SDC2: variants seen among roughly 807,000 people sequenced by gnomAD.
The protein encoded by SDC2 is syndecan-2.
A neutral mutation model predicts 22.2 loss-of-function variants in SDC2; 13 were observed. That is an observed-to-expected ratio of 0.59 (90% CI 0.38 to 0.93). The LOEUF (loss-of-function observed/expected upper bound fraction) is 0.93, where lower values mean the gene tolerates loss of function less well. SDC2 is among the 40% of genes least tolerant of loss of function. The pLI is 0.00. For synonymous variants in SDC2, 94 were observed against 92.8 expected (o/e 1.01, Z -0.07); for missense variants, 235 against 246.8 (o/e 0.95, Z 0.32).
intron 1 of SDC2, among the ~76,000 whole-genome samples, chr8:96,497,460 G>A (rs1161754720): frequency 6.6e-6 from 1 of 152,144 alleles, no homozygotes; most frequent in Non-Finnish European, 1.5e-5. Flanking sequence ...CTGCTTTTAG[G>A]ACCTGATATG....
chr8:96,602,767 A>T (rs1465896084), intron 3 of SDC2, among the ~76,000 whole-genome samples: 2 of 152,204 alleles, frequency 1.3e-5, no homozygotes, highest in African/African-American at 4.8e-5. Flanking sequence ...GCATTTACCC[A>T]CTTATAATCT....
intron 1 of SDC2, among the ~76,000 whole-genome samples, chr8:96,570,173 C>T (rs1814369226): frequency 6.6e-6 from 1 of 152,140 alleles, no homozygotes; most frequent in African/African-American, 2.4e-5. Flanking sequence ...AGAGATCCCG[C>T]AGCTGGTAAG....
At chr8:96,561,826 C>T (rs1814215064) in intron 1 of SDC2, among the ~76,000 whole-genome samples, 1 of 152,142 alleles carries the variant, frequency 6.6e-6, no homozygotes, top group Non-Finnish European at 1.5e-5. Context: ...GCTGGATGGT[C>T]CTATCAGGTA....
intron 1 of SDC2, among the ~76,000 whole-genome samples, chr8:96,534,642 G>A (rs1813722914): frequency 6.6e-6 from 1 of 151,602 alleles, no homozygotes; most frequent in Admixed American, 6.6e-5. Flanking sequence ...TCGTCATGTT[G>A]CCCAGGCTGA....
rs769190656 is a variant in SDC2 at position 96,494,353 on chromosome 8, TGC to T, written c.60+29_60+30del. On this transcript the variant is annotated intron_variant, in intron 1 of 4. Transcript: ENST00000302190. ...GTCGGTGAGTGGGCCAGGCGGAGGA[TGC>T]GCGCGCCGTTTAGGGTGTTTGAAGC... 3 of 1,537,216 alleles carry T rather than the reference TGC, an allele frequency of 2.0e-6. No individual in the cohort carries two copies. In the South Asian group the frequency reaches 3.6e-5, roughly 18 times the overall value.
At chr8:96,571,953 C>T (rs1259236495) in intron 1 of SDC2, among the ~76,000 whole-genome samples, 10 of 152,078 alleles carry the variant, frequency 6.6e-5, no homozygotes, top group Non-Finnish European at 1.0e-4. Context: ...AAGGTCTTGG[C>T]TCAGGACAAG....
chr8:96,574,476 A>G (rs1371675100), intron 1 of SDC2, among the ~76,000 whole-genome samples: 1 of 152,208 alleles, frequency 6.6e-6, no homozygotes, highest in African/African-American at 2.4e-5. Flanking sequence ...AATTTAAACC[A>G]CAATTGCTTC....
intron 1 of SDC2, among the ~76,000 whole-genome samples, chr8:96,546,723 G>C (rs1180841168): frequency 6.6e-6 from 1 of 152,206 alleles, no homozygotes; most frequent in Non-Finnish European, 1.5e-5. Context: ...ACTAGTTATT[G>C]CTATCAAGTT....
At chr8:96,517,258 A>G (rs1813415472) in intron 1 of SDC2, among the ~76,000 whole-genome samples, 1 of 152,216 alleles carries the variant, frequency 6.6e-6, no homozygotes, top group Non-Finnish European at 1.5e-5. Flanking sequence ...AGAAATGTCT[A>G]TTCAGATGTC....
intron 1 of SDC2, among the ~76,000 whole-genome samples, chr8:96,498,199 T>C (rs891054818): frequency 6.6e-6 from 1 of 152,214 alleles, no homozygotes; most frequent in Non-Finnish European, 1.5e-5. Flanking sequence ...ACCTACTAGG[T>C]GCTTGAGGTA....
At chr8:96,597,380 A>G (rs1479685528) in intron 2 of SDC2, among the ~76,000 whole-genome samples, 1 of 152,148 alleles carries the variant, frequency 6.6e-6, no homozygotes, top group African/African-American at 2.4e-5. Context: ...ATAAAACTTC[A>G]ATGAGAAATG....
chr8:96,561,004 T>C (rs1814200548), intron 1 of SDC2, among the ~76,000 whole-genome samples: 1 of 152,144 alleles, frequency 6.6e-6, no homozygotes, highest in Non-Finnish European at 1.5e-5. Flanking sequence ...CTCAGGAGGC[T>C]GAGGCATGAG....
intron 1 of SDC2, among the ~76,000 whole-genome samples, chr8:96,536,035 A>G (rs1813749528): frequency 6.6e-6 from 1 of 152,214 alleles, no homozygotes; most frequent in African/African-American, 2.4e-5. Context: ...ATTTTTGGAA[A>G]TGTGCCTGAG....
At chr8:96,501,225 T>A (rs908859592) in intron 1 of SDC2, among the ~76,000 whole-genome samples, 4 of 150,162 alleles carry the variant, frequency 2.7e-5, no homozygotes, top group Non-Finnish European at 5.9e-5. Context: ...GGTATAAGAA[T>A]GACACACGGG....
intron 1 of SDC2, among the ~76,000 whole-genome samples, chr8:96,573,990 G>A (rs373461360): frequency 4.6e-5 from 7 of 151,260 alleles, no homozygotes; most frequent in African/African-American, 7.3e-5. Context: ...CCCGCATTCC[G>A]TGTGCCTCAT....
intron 1 of SDC2, among the ~76,000 whole-genome samples, chr8:96,525,489 G>A (rs891318853): frequency 6.6e-6 from 1 of 152,170 alleles, no homozygotes; most frequent in African/African-American, 2.4e-5. Context: ...CTTACTTTGT[G>A]CGTTGCTTGG....
intron 1 of SDC2, among the ~76,000 whole-genome samples, chr8:96,507,360 C>T (rs1411323422): frequency 6.6e-6 from 1 of 152,196 alleles, no homozygotes; most frequent in Non-Finnish European, 1.5e-5. Context: ...AATGAAATAC[C>T]ATGAAACATA....
At chr8:96,494,453 T>C in intron 1 of SDC2, 122 bp downstream of exon 1, 1 of 864,816 alleles carries the variant, frequency 1.2e-6, no homozygotes, top group Non-Finnish European at 1.7e-6. Context: ...ACACCGGAGA[T>C]CCGCTGGGAC....
At chr8:96,542,503 T>TC (rs1391572827) in intron 1 of SDC2, among the ~76,000 whole-genome samples, 1 of 152,170 alleles carries the variant, frequency 6.6e-6, no homozygotes, top group Non-Finnish European at 1.5e-5. Context: ...GGCTAGATAG[T>TC]CTTCTGTTTA....
Sources: gnomAD v4.1 joint callset for allele counts (sites outside exome capture counted in the v4.1 genomes callset) on GRCh38, gnomAD v4.1.1 for gene constraint, MANE v1.5 for transcripts, NCBI Gene and HGNC (gene_info 2026-07-23, HGNC 2026-07-21) for gene names.